Variants in KDM4C observed in about 807,000 individuals in gnomAD.
The protein encoded by KDM4C is lysine demethylase 4C, also known as lysine-specific demethylase 4C.
KDM4C carries 81 observed loss-of-function variants against 129.3 expected under a neutral mutation model. That is an observed-to-expected ratio of 0.63 (90% CI 0.52 to 0.75). The LOEUF (loss-of-function observed/expected upper bound fraction) is 0.75. KDM4C is among the 30% of genes least tolerant of loss of function. KDM4C has a pLI of 0.00. For synonymous variants in KDM4C, 573 were observed against 456.1 expected (o/e 1.26, Z -3.26); for missense variants, 1,457 against 1,304.0 (o/e 1.12, Z -1.81).
At chr9:6,728,895 G>GA (rs575422895) in intron 1 of KDM4C, among the ~76,000 whole-genome samples, 34 of 151,400 alleles carry the variant, frequency 2.2e-4, no homozygotes, top group Middle Eastern at 3.4e-3. Context: ...TGTGTGGCCA[G>GA]AAAAAAATTG....
chr9:6,877,902 A>T (rs537702368), intron 5 of KDM4C, among the ~76,000 whole-genome samples: 14 of 152,346 alleles, frequency 9.2e-5, no homozygotes, highest in African/African-American at 2.9e-4. Context: ...TTTTGGGCTC[A>T]TTCAGGGAAC....
chr9:7,059,259 C>T (rs1188215222), intron 17 of KDM4C, among the ~76,000 whole-genome samples: 1 of 152,132 alleles, frequency 6.6e-6, no homozygotes, highest in African/African-American at 2.4e-5. Context: ...AAGCGATCCT[C>T]CCACCTCATT....
intron 4 of KDM4C, 72 bp downstream of exon 4, chr9:6,814,817 T>C (rs1831782374): frequency 1.1e-6 from 1 of 926,604 alleles, no homozygotes; most frequent in Non-Finnish European, 1.7e-6. Context: ...TTAAGCAGTT[T>C]AGAAGTGTTC....
At chr9:6,873,683 A>G (rs1206495078) in intron 5 of KDM4C, among the ~76,000 whole-genome samples, 1 of 152,226 alleles carries the variant, frequency 6.6e-6, no homozygotes, top group Non-Finnish European at 1.5e-5. Flanking sequence ...ATGTCCAGAC[A>G]TGCCAACATT....
At chr9:7,026,745 C>G (rs1277666493) in intron 15 of KDM4C, among the ~76,000 whole-genome samples, 1 of 152,046 alleles carries the variant, frequency 6.6e-6, no homozygotes, top group Non-Finnish European at 1.5e-5. Context: ...TTGAGGCTTT[C>G]TTGATCCTGT....
intron 19 of KDM4C, among the ~76,000 whole-genome samples, chr9:7,134,556 C>T (rs1331260834): frequency 6.6e-6 from 1 of 152,204 alleles, no homozygotes; most frequent in Non-Finnish European, 1.5e-5. Flanking sequence ...ATGCCCATAA[C>T]TTTAATAAAT....
At chr9:7,052,327 G>C (rs1273592895) in intron 17 of KDM4C, among the ~76,000 whole-genome samples, 1 of 152,140 alleles carries the variant, frequency 6.6e-6, no homozygotes, top group Non-Finnish European at 1.5e-5. Context: ...TTTCACCTAA[G>C]ATTAAAATTC....
intron 18 of KDM4C, among the ~76,000 whole-genome samples, chr9:7,126,125 T>C (rs746803552): frequency 1.1e-4 from 17 of 152,158 alleles, no homozygotes; most frequent in Non-Finnish European, 1.8e-4. Context: ...TATTCTTAAG[T>C]CTTGTTTCCT....
chr9:6,892,019 T>C (rs575244584), intron 7 of KDM4C, among the ~76,000 whole-genome samples: 1 of 152,322 alleles, frequency 6.6e-6, no homozygotes, highest in Admixed American at 6.5e-5. Context: ...AATGTGGTTT[T>C]ACAACTTTTA....
At chr9:6,829,876 T>C (rs1333941890) in intron 4 of KDM4C, among the ~76,000 whole-genome samples, 1 of 152,226 alleles carries the variant, frequency 6.6e-6, no homozygotes, top group Non-Finnish European at 1.5e-5. Context: ...AAAAGGAATA[T>C]AAAGATAATC....
At chr9:6,924,511 A>T (rs891508628) in intron 8 of KDM4C, among the ~76,000 whole-genome samples, 3 of 151,794 alleles carry the variant, frequency 2.0e-5, no homozygotes, top group African/African-American at 7.3e-5. Flanking sequence ...GGGGAATTAC[A>T]CTCTTCTCTA....
intron 17 of KDM4C, among the ~76,000 whole-genome samples, chr9:7,061,164 C>T (rs966909893): frequency 6.6e-6 from 1 of 152,196 alleles, no homozygotes; most frequent in Non-Finnish European, 1.5e-5. Context: ...TGTCCTTCTT[C>T]TCCCTCCAGT....
chr9:7,151,596 G>T (rs1270171758), intron 19 of KDM4C, among the ~76,000 whole-genome samples: 1 of 152,190 alleles, frequency 6.6e-6, no homozygotes, highest in Admixed American at 6.5e-5. Context: ...AATCACCTGA[G>T]CCCGGGAAGC....
rs150001517 is a variant in KDM4C at position 6,882,499 on chromosome 9, A to C, written c.679+2438A>C. 4.3e-4 allele frequency among the ~76,000 whole-genome samples: 65 copies of C among 152,292 alleles called. No individual in the cohort carries two copies. The East Asian group carries it at 0.01, about 24-fold the overall frequency. ...ATTGGGAATAAAATGCTATTATTTT[A>C]AAAAACTGAAAAGGATTTACTTTGA... is the stretch of plus-strand genomic sequence containing the variant. On this transcript the variant is annotated intron_variant, in intron 6 of 21. Coordinates refer to ENST00000381309, the MANE Select transcript of KDM4C (RefSeq NM_015061.6).
intron 5 of KDM4C, among the ~76,000 whole-genome samples, chr9:6,860,874 T>C (rs184767619): frequency 2.6e-4 from 40 of 152,338 alleles, no homozygotes; most frequent in East Asian, 5.8e-4. Flanking sequence ...TAAAATCTTA[T>C]GAAGGTTGAT....
intron 19 of KDM4C, among the ~76,000 whole-genome samples, chr9:7,137,993 T>A (rs1465887327): frequency 4.6e-5 from 7 of 152,240 alleles, no homozygotes; most frequent in Non-Finnish European, 1.5e-5. Context: ...TATTATTTCC[T>A]TTTTGTACCT....
intron 15 of KDM4C, among the ~76,000 whole-genome samples, chr9:7,042,666 C>T (rs1020419654): frequency 6.6e-6 from 1 of 152,060 alleles, no homozygotes. Context: ...GAACTTTCTT[C>T]TTGTCAGTTG....
chr9:6,866,971 T>G (rs994569480), intron 5 of KDM4C, among the ~76,000 whole-genome samples: 5 of 126,258 alleles, frequency 4.0e-5, no homozygotes, highest in African/African-American at 1.5e-4. Flanking sequence ...AAATATATGT[T>G]TGTGTGTGTG....
At chr9:6,985,237 C>G (rs1404401374) in intron 10 of KDM4C, among the ~76,000 whole-genome samples, 1 of 152,182 alleles carries the variant, frequency 6.6e-6, no homozygotes, top group Non-Finnish European at 1.5e-5. Context: ...AGAAAAAAAG[C>G]TTAGGTCTTG....
Sources: allele counts gnomAD v4.1 joint callset (sites outside exome capture counted in the v4.1 genomes callset), GRCh38; gene constraint gnomAD v4.1.1; transcripts MANE v1.5; gene names NCBI Gene and HGNC (gene_info 2026-07-23, HGNC 2026-07-21).